SNRNP200: variants seen among roughly 807,000 people sequenced by gnomAD.
The protein encoded by SNRNP200 is small nuclear ribonucleoprotein U5 subunit 200.
A neutral mutation model predicts 255.2 loss-of-function variants in SNRNP200; 66 were observed. The ratio of observed to expected loss-of-function variants is 0.26; its 90% confidence interval spans 0.21 to 0.32. The LOEUF is 0.32. SNRNP200 is among the 10% of genes least tolerant of loss of function. SNRNP200 has a pLI of 1.00. For missense variants in SNRNP200, 1,585 were observed against 2,749.8 expected (o/e 0.58, Z 9.47); for synonymous variants, 939 against 1,027.8 (o/e 0.91, Z 1.65).
chr2:96,277,621 G>T lies in SNRNP200; in HGVS notation c.5849C>A (p.Thr1950Asn). The T allele has an allele frequency of 6.2e-7, 1 of 1,614,096 alleles. No homozygotes were observed. The highest frequency in any genetic ancestry group is 2.2e-5 in the East Asian group (1 of 44,886). The change falls in exon 41 of 45, where the codon ACC (threonine) becomes AAC (asparagine). Residue 1950 changes from threonine (T) to asparagine (N), a missense_variant. Thr to Asn is a moderately conservative substitution (Grantham distance 65). Coordinates refer to ENST00000323853, the MANE Select transcript of SNRNP200 (RefSeq NM_014014.5). The surrounding 1 kb of genome is among the most constrained non-coding windows in gnomAD (Gnocchi z 4.4). ...TGAGTCCTTGGACCACATGGCTTGGGTGACCATCTGGGCCAGTTCCATAGC... is the reference window on the plus strand; with the variant it reads ...TGAGTCCTTGGACCACATGGCTTGGTTGACCATCTGGGCCAGTTCCATAGC... ...LAAMELAQMV[T>N]QAMWSKDSYL...
chr2:96,304,545 G>T (rs140991230), intron 2 of SNRNP200, among the ~76,000 whole-genome samples, 160 bp downstream of exon 2: 1 of 152,236 alleles, frequency 6.6e-6, no homozygotes, highest in Non-Finnish European at 1.5e-5. Context: ...ACTTGTTAAG[G>T]CCAAAAAATC....
In SNRNP200 at chr2:96,296,516, G is replaced by A. The variant is rs767493948; in HGVS notation, c.1671+20C>T. 4 of 1,613,544 alleles carry A rather than the reference G, an allele frequency of 2.5e-6. No individual in the cohort carries two copies. The highest frequency in any genetic ancestry group is 1.7e-4 in the Middle Eastern group (1 of 6,052). On this transcript the variant is annotated intron_variant, in intron 13 of 44. Transcript: ENST00000323853. Reference sequence around the variant, plus strand: ...ATAGGTGCACCCAGTATCCTCTGCAGGAAAGTTCTACTCCCTCACCTTTCC... The same window carrying A: ...ATAGGTGCACCCAGTATCCTCTGCAAGAAAGTTCTACTCCCTCACCTTTCC...
Position 96,290,440 on chromosome 2 carries a change from T to C in SNRNP200, c.2628A>G (p.Leu876=). The C allele has an allele frequency of 6.2e-7, 1 of 1,614,206 alleles. No homozygotes were observed. Among genetic ancestry groups the C allele is most frequent in the Non-Finnish European group, 8.5e-7 (1 of 1,180,032 alleles). Residue 876 remains leucine, a synonymous_variant, in exon 20 of 45, where the codon CTA becomes CTG. Transcript: ENST00000323853. This position sits in a 1 kb window ranked among gnomAD's most constrained non-coding sequence, Gnocchi z 4.5. ...GATTGAGGAGGGACAGGTAGTACTG[T>C]AGCTCCCCATGAGATGTGATGAGTA... is the stretch of plus-strand genomic sequence containing the variant. ...EGILITSHGE[L]QYYLSLLNQQ... is the part of the protein sequence containing the mutation.
chr2:96,299,025 C>T, intron 6 of SNRNP200, 58 bp from the exon 7 acceptor site: 2 of 1,605,504 alleles, frequency 1.2e-6, no homozygotes, highest in Admixed American at 1.7e-5. Flanking sequence ...GATCACTTTG[C>T]CACCACCCTG....
Position 96,279,501 on chromosome 2 carries a change from A to G in SNRNP200, c.5083T>C (p.Leu1695=). The change falls in exon 36 of 45, where the codon TTG becomes CTG. Residue 1695 remains leucine (L), a synonymous_variant. Coordinates refer to ENST00000323853, the MANE Select transcript of SNRNP200 (RefSeq NM_014014.5). ...ACACAGCGCCCCTCATCGTCCTGCA[A>G]AGGGCGGTTGGCGTGGCCCACCATC... ...LQMVGHANRP[L]QDDEGRCVIM... The G allele has an allele frequency of 6.2e-7, 1 of 1,614,164 alleles. No individual in the cohort carries two copies. The highest frequency in any genetic ancestry group is 8.5e-7 in the Non-Finnish European group (1 of 1,180,008).
At chr2:96,295,223 C>T (rs866584223) in intron 14 of SNRNP200, among the ~76,000 whole-genome samples, 40 of 151,394 alleles carry the variant, frequency 2.6e-4, no homozygotes, top group Middle Eastern at 6.8e-3. Context: ...AACAAACAAA[C>T]AAATAAATAA....
rs2063815755 is a variant in SNRNP200 at position 96,283,147 on chromosome 2, ACAC to A, written c.4915+51_4915+53del. The A allele has an allele frequency of 3.7e-6, 6 of 1,607,858 alleles. No individual in the cohort carries two copies. Among genetic ancestry groups the A allele is most frequent in the Non-Finnish European group, 5.1e-6 (6 of 1,177,234 alleles). On this transcript the variant is annotated intron_variant, in intron 34 of 44. Coordinates refer to ENST00000323853, the MANE Select transcript of SNRNP200 (RefSeq NM_014014.5). This position sits in a 1 kb window ranked among gnomAD's most constrained non-coding sequence, Gnocchi z 4.7. The stretch of plus-strand genomic sequence containing the variant: ...CTGCCACCCGCACCCCTCAAGTTTA[ACAC>A]CACCACTTGGTGATACCCTTGCTAT...
chr2:96,298,152 A>G (rs2063930275), intron 9 of SNRNP200, 132 bp downstream of exon 9: 1 of 1,319,234 alleles, frequency 7.6e-7, no homozygotes, highest in Non-Finnish European at 1.1e-6. Flanking sequence ...ACCTGTATGC[A>G]CTGATAAACC....
In SNRNP200 at chr2:96,286,418, G is replaced by C. The variant is rs1390916841; in HGVS notation, c.3896C>G (p.Thr1299Ser). 1 of 1,614,078 alleles carries C rather than the reference G, an allele frequency of 6.2e-7. No individual in the cohort carries two copies. The highest frequency in any genetic ancestry group is 1.3e-5 in the African/African-American group (1 of 74,924). Residue 1299 changes from threonine (T) to serine (S), a missense_variant, in exon 29 of 45, where the codon ACC becomes AGC. Physicochemically the swap from Thr to Ser is moderately conservative, Grantham distance 58 (BLOSUM62 1). Around this residue, in one of 9 missense-constraint regions of SNRNP200, gnomAD observed 719 missense variants for 1,091.1 expected, o/e 0.66. Coordinates refer to ENST00000323853, the MANE Select transcript of SNRNP200 (RefSeq NM_014014.5). This position sits in a 1 kb window ranked among gnomAD's most constrained non-coding sequence, Gnocchi z 4.8. Reference sequence around the variant, plus strand: ...CAAGGGCTGCAGGTCCAAAAGTTCGGTTGGAGGGGGGTACTTCTCCGGCAA... The same window carrying C: ...CAAGGGCTGCAGGTCCAAAAGTTCGCTTGGAGGGGGGTACTTCTCCGGCAA... ...LILPEKYPPPTELLDLQPLPV... is the reference protein window; with the variant it reads ...LILPEKYPPPSELLDLQPLPV...
chr2:96,299,373 T>A lies in SNRNP200; in HGVS notation c.685A>T (p.Met229Leu). 1 of 1,614,168 alleles carries A rather than the reference T, an allele frequency of 6.2e-7. No individual in the cohort carries two copies. The highest frequency in any genetic ancestry group is 8.5e-7 in the Non-Finnish European group (1 of 1,180,032). ...EVREEASDDD[M>L]EGDEAVVRCT... Reference sequence around the variant, plus strand: ...CGCACGACAGCCTCGTCCCCTTCCATGTCATCATCAGATGCCTCTTCTCGA... The same window carrying A: ...CGCACGACAGCCTCGTCCCCTTCCAAGTCATCATCAGATGCCTCTTCTCGA... The change falls in exon 6 of 45, where the codon ATG (methionine) becomes TTG (leucine). Residue 229 changes from methionine to leucine, a missense_variant. Transcript: ENST00000323853.
At chr2:96,285,046 G>A (rs1417018948) in intron 30 of SNRNP200, 134 bp downstream of exon 30, 1 of 1,088,032 alleles carries the variant, frequency 9.2e-7, no homozygotes, top group Admixed American at 2.0e-5. Context: ...CACCACGCTT[G>A]GCTGGGGCAG....
chr2:96,283,794 T>A lies in SNRNP200; in HGVS notation c.4584+19A>T. On this transcript the variant is annotated intron_variant, in intron 32 of 44. Transcript: ENST00000323853. This position sits in a 1 kb window ranked among gnomAD's most constrained non-coding sequence, Gnocchi z 4.7. ...ATCTATGTGACACCCCACAGACGGA[T>A]GAGGAGAGTGGGTCCTACCTGGATG... The A allele has an allele frequency of 1.2e-6, 2 of 1,613,576 alleles. No homozygotes were observed. Among genetic ancestry groups the A allele is most frequent in the Non-Finnish European group, 1.7e-6 (2 of 1,179,726 alleles).
In SNRNP200 at chr2:96,288,557, T is replaced by A. The variant is rs977754747; in HGVS notation, c.3258+106A>T. Reference sequence around the variant, plus strand: ...CGGCAAGAGCAGAACTAAGCACTCCTCCCATCTCACTAGGGTCGGGCCTCC... The same window carrying A: ...CGGCAAGAGCAGAACTAAGCACTCCACCCATCTCACTAGGGTCGGGCCTCC... On this transcript the variant is annotated intron_variant, in intron 24 of 44. Coordinates refer to ENST00000323853, the MANE Select transcript of SNRNP200 (RefSeq NM_014014.5). The A allele has an allele frequency of 7.1e-4, 684 of 958,200 alleles. 9 individuals carry two copies. Among genetic ancestry groups the A allele is most frequent in the Non-Finnish European group, 1.0e-4 (60 of 594,392 alleles). 59.4% of individuals were successfully genotyped at this position (958,200 alleles called of 1,614,324 possible). A position where few individuals can be genotyped will look rare whatever the true frequency, so the allele number is the denominator to read the frequency against.
rs1010049294 is a variant in SNRNP200, at chr2:96,285,421, A to G, written c.4004-81T>C. 8 of 1,493,948 alleles carry G rather than the reference A, an allele frequency of 5.4e-6. No individual in the cohort carries two copies. The African/African-American group carries it at 9.6e-5, about 18-fold the overall frequency. The allele number at this position is 1,493,948 out of a possible 1,614,324, so 92.5% of individuals were successfully genotyped here. Reference sequence around the variant, plus strand: ...TGGGACATGGATCAATTGTCAAAACAAAGGACAACATACGAAATGAAGTCA... The same window carrying G: ...TGGGACATGGATCAATTGTCAAAACGAAGGACAACATACGAAATGAAGTCA... On this transcript the variant is annotated intron_variant, in intron 29 of 44. Coordinates refer to ENST00000323853, the MANE Select transcript of SNRNP200 (RefSeq NM_014014.5).
intron 43 of SNRNP200, chr2:96,276,420 ATT>A (rs34749374): frequency 2.4e-3 from 392 of 160,296 alleles, no homozygotes; most frequent in South Asian, 7.2e-3. Flanking sequence ...AGTCATCTAA[ATT>A]TTTTTTTTTT....
At chr2:96,289,417 A>G in intron 21 of SNRNP200, 38 bp from the exon 22 acceptor site, 1 of 1,608,578 alleles carries the variant, frequency 6.2e-7, no homozygotes, top group African/African-American at 1.3e-5. Context: ...GCTGACTATT[A>G]ATGAGCTCCA....
rs771171937 is a variant in SNRNP200 at position 96,283,510 on chromosome 2, C to T, written c.4763+25G>A. 1.2e-6 allele frequency: 2 copies of T among 1,613,866 alleles called. No individual in the cohort carries two copies. Among genetic ancestry groups the T allele is most frequent in the Non-Finnish European group, 1.7e-6 (2 of 1,179,984 alleles). On this transcript the variant is annotated intron_variant, in intron 33 of 44. Transcript: ENST00000323853. The surrounding 1 kb of genome is among the most constrained non-coding windows in gnomAD (Gnocchi z 4.7). ...CCAGCCTCACTTAACCTAACCCCAA[C>T]CCCCAGACGCCAGGCCCCACCTACC...
intron 13 of SNRNP200, among the ~76,000 whole-genome samples, chr2:96,296,123 C>A (rs1406790136): frequency 6.6e-6 from 1 of 151,814 alleles, no homozygotes; most frequent in African/African-American, 2.4e-5. Flanking sequence ...ACAGCGAGAC[C>A]CTGTCTCAAA....
In SNRNP200 at chr2:96,274,920, C is replaced by G; in HGVS notation, c.*92G>C. 1 of 1,503,126 alleles carries G rather than the reference C, an allele frequency of 6.7e-7. No homozygotes were observed. The highest frequency in any genetic ancestry group is 9.2e-7 in the Non-Finnish European group (1 of 1,085,136). 93.1% of individuals were successfully genotyped at this position (1,503,126 alleles called of 1,614,324 possible). A position where few individuals can be genotyped will look rare whatever the true frequency, so the allele number is the denominator to read the frequency against. On this transcript the variant is annotated 3_prime_UTR_variant, in exon 45 of 45. Transcript: ENST00000323853. ...CCTGGCTGGCCAGACCTGAGGCCCACAGACCTGGTCCCCACAACCAGGATT... is the reference window on the plus strand; with the variant it reads ...CCTGGCTGGCCAGACCTGAGGCCCAGAGACCTGGTCCCCACAACCAGGATT...
Sources: gnomAD v4.1 joint callset for allele counts (sites outside exome capture counted in the v4.1 genomes callset) on GRCh38, gnomAD v4.1.1 for gene constraint, gnomAD v4.1.1 regional missense constraint, Gnocchi (gnomAD v3.1) non-coding constraint, MANE v1.5 for transcripts, NCBI Gene and HGNC (gene_info 2026-07-23, HGNC 2026-07-21) for gene names.